TC2N: variants seen among roughly 807,000 people sequenced by gnomAD.
TC2N encodes the protein tandem C2 domains, nuclear, also known as tandem C2 domains nuclear protein.
In TC2N, 51 loss-of-function variants were observed where a neutral mutation model predicts 61.9. The observed-to-expected ratio is 0.82, with a 90% CI of 0.66 to 1.04. The LOEUF is 1.04. Among genes scored for constraint, TC2N ranks in the 50% least tolerant of loss-of-function variants. The probability of loss-of-function intolerance (pLI) is 0.00; values close to 1 mark genes in which losing one functional copy is unlikely to be tolerated. For missense variants in TC2N, 556 were observed against 566.7 expected (o/e 0.98, Z 0.19); for synonymous variants, 204 against 192.6 (o/e 1.06, Z -0.49).
At chr14:91,807,298 C>T (rs567282138) in intron 3 of TC2N, among the ~76,000 whole-genome samples, 2 of 152,300 alleles carry the variant, frequency 1.3e-5, no homozygotes, top group Admixed American at 6.5e-5. Flanking sequence ...GAGAAGAAGG[C>T]CACCATCCTC....
chr14:91,832,952 G>A (rs1407291917), intron 1 of TC2N, among the ~76,000 whole-genome samples: 1 of 152,170 alleles, frequency 6.6e-6, no homozygotes, highest in African/African-American at 2.4e-5. Context: ...CACAGAATGT[G>A]CAAAAGCAAA....
chr14:91,787,087 G>A (rs1402331165), intron 10 of TC2N, among the ~76,000 whole-genome samples: 4 of 152,170 alleles, frequency 2.6e-5, no homozygotes, highest in Admixed American at 6.5e-5. Context: ...ACTCCTGGTT[G>A]TAGACAAAAC....
chr14:91,789,783 A>T (rs1885557054), intron 9 of TC2N, among the ~76,000 whole-genome samples: 1 of 152,338 alleles, frequency 6.6e-6, no homozygotes, highest in African/African-American at 2.4e-5. Context: ...CAAAAAATTA[A>T]AATTCCAATC....
chr14:91,791,536 G>A (rs1885655695), intron 9 of TC2N, among the ~76,000 whole-genome samples: 1 of 128,898 alleles, frequency 7.8e-6, no homozygotes. Context: ...TCAGTTGGCT[G>A]AGAAGCAAAT....
At chr14:91,816,683 C>A (rs530997816) in intron 1 of TC2N, among the ~76,000 whole-genome samples, 1 of 152,028 alleles carries the variant, frequency 6.6e-6, no homozygotes, top group South Asian at 2.1e-4. Flanking sequence ...ATTTTCTATA[C>A]TGACATCCTG....
chr14:91,844,489 C>A (rs527591027), intron 1 of TC2N, among the ~76,000 whole-genome samples: 5 of 152,118 alleles, frequency 3.3e-5, no homozygotes, highest in African/African-American at 9.7e-5. Flanking sequence ...ATGGGCCCAA[C>A]GTGGTGGCTC....
chr14:91,853,826 CT>C (rs1165195270), intron 1 of TC2N, among the ~76,000 whole-genome samples: 1 of 151,824 alleles, frequency 6.6e-6, no homozygotes, highest in Non-Finnish European at 1.5e-5. Context: ...GCCATGAACT[CT>C]TAATATCTGA....
At chr14:91,858,850 C>A (rs17127634) in intron 1 of TC2N, among the ~76,000 whole-genome samples, 1 of 152,058 alleles carries the variant, frequency 6.6e-6, no homozygotes, top group Non-Finnish European at 1.5e-5. Flanking sequence ...GTCCTCTACA[C>A]ATGTTCCCAA....
intron 1 of TC2N, among the ~76,000 whole-genome samples, chr14:91,820,256 G>A (rs1203247707): frequency 1.3e-5 from 2 of 151,894 alleles, no homozygotes; most frequent in African/African-American, 2.4e-5. Flanking sequence ...ATCCAGAAAC[G>A]TATAAAAGAT....
At position 91,792,451 on chromosome 14, in the gene TC2N, A is replaced by T. The variant is rs1227707123; in HGVS notation, c.963T>A (p.Ile321=). 6.2e-7 allele frequency: 1 copy of T among 1,611,650 alleles called. No individual in the cohort carries two copies. The highest frequency in any genetic ancestry group is 1.1e-5 in the South Asian group (1 of 90,718). The change falls in exon 9 of 12, where the codon ATT becomes ATA. Residue 321 remains isoleucine (I), a synonymous_variant. Transcript: ENST00000435962. ...IQTQTPRKKT[I]GECSMSLRTL... ...TTCTGAGTGACATTGAGCATTCTCCAATGGTTTTCTTCCTGGGAGTCTGGG... is the reference window on the plus strand; with the variant it reads ...TTCTGAGTGACATTGAGCATTCTCCTATGGTTTTCTTCCTGGGAGTCTGGG...
intron 1 of TC2N, among the ~76,000 whole-genome samples, chr14:91,830,773 T>C (rs187809987): frequency 6.6e-4 from 100 of 152,296 alleles, no homozygotes; most frequent in African/African-American, 2.3e-3. Context: ...ACCACCAAGG[T>C]AATATAAAAC....
At chr14:91,784,827 C>T (rs890740381) in intron 11 of TC2N, among the ~76,000 whole-genome samples, 1 of 152,034 alleles carries the variant, frequency 6.6e-6, no homozygotes, top group African/African-American at 2.4e-5. Context: ...ATTTGATACT[C>T]GAAGACTTAA....
chr14:91,835,219 T>C (rs932886916), intron 1 of TC2N, among the ~76,000 whole-genome samples: 4 of 152,202 alleles, frequency 2.6e-5, no homozygotes, highest in African/African-American at 9.7e-5. Flanking sequence ...CTCATATTCA[T>C]TAGCAAAAAT....
intron 8 of TC2N, among the ~76,000 whole-genome samples, chr14:91,793,159 C>A (rs548977814): frequency 5.3e-5 from 8 of 152,254 alleles, no homozygotes; most frequent in Non-Finnish European, 7.4e-5. Flanking sequence ...CCTAAGCACC[C>A]ATCTCAGTCA....
chr14:91,864,812 C>T (rs1054267780), intron 1 of TC2N, among the ~76,000 whole-genome samples: 2 of 130,788 alleles, frequency 1.5e-5, no homozygotes, highest in East Asian at 2.3e-4. Context: ...GACAGACTCT[C>T]GCTCTGTTGC....
intron 1 of TC2N, among the ~76,000 whole-genome samples, chr14:91,834,823 C>A (rs1017329849): frequency 6.6e-6 from 1 of 152,156 alleles, no homozygotes; most frequent in Non-Finnish European, 1.5e-5. Context: ...CTCTACCCAT[C>A]GCTTAATGCT....
Position 91,864,745 on chromosome 14 carries a change from T to G in TC2N, c.-57+2517A>C, listed in dbSNP as rs1888660808. 2.0e-5 allele frequency among the ~76,000 whole-genome samples: 3 copies of G among 152,198 alleles called. No homozygotes were observed. The South Asian group carries it at 6.2e-4, about 32-fold the overall frequency. Reference sequence around the variant, plus strand: ...AACAGGTATCATAATGGCACTGTATTTGTATGTGTGTACAATTTACCCTGC... The same window carrying G: ...AACAGGTATCATAATGGCACTGTATGTGTATGTGTGTACAATTTACCCTGC... On this transcript the variant is annotated intron_variant, in intron 1 of 11. Coordinates refer to ENST00000435962, the MANE Select transcript of TC2N (RefSeq NM_001128596.3).
intron 8 of TC2N, among the ~76,000 whole-genome samples, 200 bp from the exon 9 acceptor site, chr14:91,792,758 A>G (rs1885722994): frequency 6.6e-6 from 1 of 152,140 alleles, no homozygotes; most frequent in East Asian, 1.9e-4. Context: ...TCTTAATTTC[A>G]CAAATCATCC....
At chr14:91,858,495 G>A (rs1030320087) in intron 1 of TC2N, among the ~76,000 whole-genome samples, 2 of 152,042 alleles carry the variant, frequency 1.3e-5, no homozygotes, top group African/African-American at 4.8e-5. Context: ...AACTCCTCTG[G>A]CCAGGAAAAT....
Sources: gnomAD v4.1 joint callset for allele counts (sites outside exome capture counted in the v4.1 genomes callset) on GRCh38, gnomAD v4.1.1 for gene constraint, MANE v1.5 for transcripts, NCBI Gene and HGNC (gene_info 2026-07-23, HGNC 2026-07-21) for gene names.